IKZF2: variants seen among roughly 807,000 people sequenced by gnomAD.
The protein encoded by IKZF2 is IKAROS family zinc finger 2, also known as zinc finger protein Helios.
IKZF2 carries 15 observed loss-of-function variants against 49.2 expected under a neutral mutation model. That is an observed-to-expected ratio of 0.30 (90% CI 0.20 to 0.47). The LOEUF is 0.47. Among genes scored for constraint, IKZF2 ranks in the 20% least tolerant of loss-of-function variants. The pLI, the probability that IKZF2 is intolerant of heterozygous loss-of-function variation, is 1.00. For missense variants in IKZF2, 567 were observed against 664.6 expected, an observed-to-expected ratio of 0.85 and a Z score of 1.61; for synonymous variants, 227 against 221.4, an observed-to-expected ratio of 1.03 and a Z score of -0.23.
At chr2:213,095,068 A>G (rs1197151199) in intron 4 of IKZF2, among the ~76,000 whole-genome samples, 1 of 152,166 alleles carries the variant, frequency 6.6e-6, no homozygotes, top group Non-Finnish European at 1.5e-5. Context: ...AAAGGCAACT[A>G]AAAGTACAAA....
intron 4 of IKZF2, among the ~76,000 whole-genome samples, chr2:213,106,617 G>A (rs777871786): frequency 1.5e-4 from 22 of 148,902 alleles, no homozygotes; most frequent in Non-Finnish European, 3.3e-4. Flanking sequence ...TCCAACCTGG[G>A]CGACAGAGTG....
chr2:213,138,041 C>G (rs994384066), intron 4 of IKZF2, among the ~76,000 whole-genome samples: 5 of 152,074 alleles, frequency 3.3e-5, no homozygotes, highest in Admixed American at 1.3e-4. Flanking sequence ...TAGAACGTGA[C>G]TTCACACTGA....
rs542983541 is a variant in IKZF2 at position 213,032,808 on chromosome 2, G to A, written c.575-10678C>T. On this transcript the variant is annotated intron_variant, in intron 6 of 8. Transcript: ENST00000434687. ...TGGAGGAGGGTGTTGCCTTGATGTC[G>A]ATGGCTACTGATTGATAAGGCTGGT... Among the ~76,000 whole-genome samples the A allele has an allele frequency of 2.0e-4, 31 of 152,254 alleles. No homozygotes were observed. In the Middle Eastern group the frequency reaches 0.01, roughly 50 times the overall value.
chr2:213,132,214 A>C (rs988724630), intron 4 of IKZF2, among the ~76,000 whole-genome samples: 2 of 152,116 alleles, frequency 1.3e-5, no homozygotes, highest in African/African-American at 4.8e-5. Context: ...GAGATTACAA[A>C]GTCATTTTCC....
intron 4 of IKZF2, among the ~76,000 whole-genome samples, chr2:213,073,872 A>G (rs969626610): frequency 2.6e-5 from 4 of 152,228 alleles, no homozygotes; most frequent in African/African-American, 9.6e-5. Flanking sequence ...CCAGAAGTAG[A>G]AAAAGATAAA....
chr2:213,009,864 G>T (rs1695760379), intron 8 of IKZF2, among the ~76,000 whole-genome samples: 2 of 152,172 alleles, frequency 1.3e-5, no homozygotes, highest in East Asian at 3.9e-4. Context: ...AGGTGGAGTA[G>T]CTGGTAGAAA....
intron 4 of IKZF2, among the ~76,000 whole-genome samples, chr2:213,097,671 C>A (rs1706175074): frequency 6.6e-6 from 1 of 152,056 alleles, no homozygotes; most frequent in Admixed American, 6.6e-5. Context: ...AATTGTGACT[C>A]CTATATTACG....
At chr2:213,056,740 C>T in intron 5 of IKZF2, 93 bp downstream of exon 5, 1 of 1,476,592 alleles carries the variant, frequency 6.8e-7, no homozygotes, top group Non-Finnish European at 9.4e-7. Flanking sequence ...TCACCACTGC[C>T]ACCCCTGAAT....
intron 4 of IKZF2, among the ~76,000 whole-genome samples, chr2:213,119,863 T>C (rs942169865): frequency 1.3e-5 from 2 of 152,178 alleles, no homozygotes; most frequent in African/African-American, 4.8e-5. Flanking sequence ...TAGTTAGTAG[T>C]CAGTAAGTAC....
chr2:213,050,431 A>C (rs530138897), intron 5 of IKZF2, among the ~76,000 whole-genome samples: 3 of 152,242 alleles, frequency 2.0e-5, no homozygotes, highest in African/African-American at 7.2e-5. Flanking sequence ...GCTGAAAGAG[A>C]CCTTCAGTCT....
chr2:213,122,428 A>G (rs985959280), intron 4 of IKZF2, among the ~76,000 whole-genome samples: 4 of 152,186 alleles, frequency 2.6e-5, no homozygotes, highest in African/African-American at 4.8e-5. Context: ...TGTTTGATTC[A>G]GTATACTTGA....
chr2:213,035,124 C>T (rs992684931), intron 6 of IKZF2, among the ~76,000 whole-genome samples: 37 of 152,066 alleles, frequency 2.4e-4, no homozygotes, highest in African/African-American at 8.2e-4. Context: ...GTGTGTGAAG[C>T]CTAGGTTACG....
intron 4 of IKZF2, among the ~76,000 whole-genome samples, chr2:213,061,751 C>T (rs190030457): frequency 4.5e-4 from 68 of 151,484 alleles, no homozygotes; most frequent in African/African-American, 1.4e-3. Context: ...AAAAAAAATA[C>T]TATTAACTTA....
rs1553539381 is a variant in IKZF2, at chr2:213,005,197, G to GGGC, written c.*2162_*2163insGCC. ...TTATTTGGGAGTGGTTGGGTGGGGGGGGGTGAGCGAGTCTCAAAAACATGC... is the reference window on the plus strand; with the variant it reads ...TTATTTGGGAGTGGTTGGGTGGGGGGGGCGGGTGAGCGAGTCTCAAAAACATGC... On this transcript the variant is annotated 3_prime_UTR_variant, in exon 9 of 9. Coordinates refer to ENST00000434687, the MANE Select transcript of IKZF2 (RefSeq NM_001387220.1). 1.6e-5 allele frequency: 2 copies of GGGC among 127,496 alleles called. No individual in the cohort carries two copies. Among genetic ancestry groups the GGGC allele is most frequent in the African/African-American group, 2.8e-5 (1 of 36,094 alleles). The allele number at this position is 127,496 out of a possible 1,614,324, so 7.9% of individuals were successfully genotyped here. A position where few individuals can be genotyped will look rare whatever the true frequency, so the allele number is the denominator to read the frequency against.
At chr2:213,050,487 A>G (rs1250115293) in intron 5 of IKZF2, among the ~76,000 whole-genome samples, 5 of 152,196 alleles carry the variant, frequency 3.3e-5, no homozygotes, top group African/African-American at 7.2e-5. Flanking sequence ...TAAAAGGTAC[A>G]GCAAATGAAC....
chr2:213,070,669 CA>C (rs1402767888), intron 4 of IKZF2, among the ~76,000 whole-genome samples: 1 of 152,112 alleles, frequency 6.6e-6, no homozygotes, highest in Non-Finnish European at 1.5e-5. Context: ...GGGATACAGA[CA>C]AACCTAACAA....
Position 213,092,316 on chromosome 2 carries a change from C to G in IKZF2, c.140-35217G>C, listed in dbSNP as rs115543515. 8.5e-3 allele frequency among the ~76,000 whole-genome samples: 1,298 copies of G among 152,300 alleles called. 23 individuals are homozygous for G. Among genetic ancestry groups the G allele is most frequent in the African/African-American group, 0.03 (1,234 of 41,554 alleles). On this transcript the variant is annotated intron_variant, in intron 4 of 8. Coordinates refer to ENST00000434687, the MANE Select transcript of IKZF2 (RefSeq NM_001387220.1). ...AATGCTGAGATTACAGTGTGAGCCA[C>G]TGTGCCTGGCCTATAAGCTATCTTT...
intron 4 of IKZF2, among the ~76,000 whole-genome samples, chr2:213,070,183 T>C (rs1254614894): frequency 2.0e-5 from 3 of 152,150 alleles, no homozygotes; most frequent in Admixed American, 6.6e-5. Flanking sequence ...TTTACAAGGT[T>C]CATATGAATA....
intron 4 of IKZF2, among the ~76,000 whole-genome samples, chr2:213,110,071 T>C (rs1411613474): frequency 1.3e-5 from 2 of 152,014 alleles, no homozygotes; most frequent in Non-Finnish European, 2.9e-5. Context: ...ATTACACCAG[T>C]TTCTTACAGT....
Sources: gnomAD v4.1 joint callset for allele counts (sites outside exome capture counted in the v4.1 genomes callset) on GRCh38, gnomAD v4.1.1 for gene constraint, MANE v1.5 for transcripts, NCBI Gene and HGNC (gene_info 2026-07-23, HGNC 2026-07-21) for gene names.